Variants in EXOC2 observed in about 807,000 individuals in gnomAD.
The protein encoded by EXOC2 is SEC5-like 1.
A neutral mutation model predicts 131.8 loss-of-function variants in EXOC2; 70 were observed. The observed-to-expected ratio is 0.53, with a 90% CI of 0.44 to 0.65. EXOC2 has a LOEUF of 0.65. EXOC2 is among the 30% of genes least tolerant of loss of function. EXOC2 has a pLI of 0.00. For synonymous variants in EXOC2, 411 were observed against 398.4 expected, an observed-to-expected ratio of 1.03 and a Z score of -0.38; for missense variants, 923 against 1,108.6, an observed-to-expected ratio of 0.83 and a Z score of 2.38.
intron 12 of EXOC2, among the ~76,000 whole-genome samples, chr6:573,874 T>C (rs1758429720): frequency 6.6e-6 from 1 of 152,308 alleles, no homozygotes; most frequent in Middle Eastern, 3.4e-3. Context: ...TTATTGTGAC[T>C]CTTTCTGAAA....
In EXOC2 at chr6:488,973, A is replaced by C. The variant is rs1203403057; in HGVS notation, c.2681+6T>G. 2 of 1,613,820 alleles carry C rather than the reference A, an allele frequency of 1.2e-6. No homozygotes were observed. The highest frequency in any genetic ancestry group is 1.7e-6 in the Non-Finnish European group (2 of 1,179,886). On this transcript the variant is annotated splice_donor_region_variant and intron_variant, in intron 27 of 27. Coordinates refer to ENST00000230449, the MANE Select transcript of EXOC2 (RefSeq NM_018303.6). ...CTGGCTCCTAAGAACAGCACACAGG[A>C]CTTACTTTTTATCTGCTCCACTGGA...
chr6:542,188 T>G (rs1756594090), intron 22 of EXOC2, among the ~76,000 whole-genome samples: 1 of 152,226 alleles, frequency 6.6e-6, no homozygotes, highest in East Asian at 1.9e-4. Flanking sequence ...CTTTGTTCCT[T>G]CAGCTTGGTG....
chr6:576,798 G>A lies in EXOC2; in HGVS notation c.1277C>T (p.Ser426Phe). Reference protein sequence around the residue: ...SVLGHLSQTASLKRGSSFQSG... With the variant: ...SVLGHLSQTAFLKRGSSFQSG... ...CTGAAAGCTGCTGCCCCTCTTCAGG[G>A]ACGCTGTCTGACTGAGATGGCCCAA... is the stretch of plus-strand genomic sequence containing the variant. Residue 426 changes from serine (S) to phenylalanine (F), a missense_variant, in exon 12 of 28, where the codon TCC becomes TTC. Ser to Phe is a radical substitution (Grantham distance 155). Coordinates refer to ENST00000230449, the MANE Select transcript of EXOC2 (RefSeq NM_018303.6). 6.2e-7 allele frequency: 1 copy of A among 1,614,152 alleles called. No homozygotes were observed. Among genetic ancestry groups the A allele is most frequent in the Non-Finnish European group, 8.5e-7 (1 of 1,180,018 alleles).
Position 564,282 on chromosome 6 carries a change from C to G in EXOC2, c.1668-128G>C, listed in dbSNP as rs2127585114. On this transcript the variant is annotated intron_variant, in intron 15 of 27. Transcript: ENST00000230449. ...TACAGCATTAGGCTGAAAACAGAAA[C>G]AGACCACAACTGGGACTGTACTGTC... 3 of 1,374,158 alleles carry G rather than the reference C, an allele frequency of 2.2e-6. No individual in the cohort carries two copies. In the South Asian group the frequency reaches 4.4e-5, roughly 20 times the overall value. The allele number at this position is 1,374,158 out of a possible 1,614,324, so 85.1% of individuals were successfully genotyped here. A position where few individuals can be genotyped will look rare whatever the true frequency, so the allele number is the denominator to read the frequency against.
At chr6:538,886 A>T (rs1280264709) in intron 22 of EXOC2, among the ~76,000 whole-genome samples, 2 of 152,134 alleles carry the variant, frequency 1.3e-5, no homozygotes, top group Non-Finnish European at 2.9e-5. Context: ...AGCCTGGCCA[A>T]GATGGTGAAA....
chr6:497,353 A>G lies in EXOC2; in HGVS notation c.2559+14T>C. The G allele has an allele frequency of 6.2e-7, 1 of 1,610,884 alleles. No individual in the cohort carries two copies. Among genetic ancestry groups the G allele is most frequent in the Non-Finnish European group, 8.5e-7 (1 of 1,178,646 alleles). Reference sequence around the variant, plus strand: ...ACAACAGAAGTTCAATATGAAATTGAATGATTTTGTTACCTGTAAAGCTCC... The same window carrying G: ...ACAACAGAAGTTCAATATGAAATTGGATGATTTTGTTACCTGTAAAGCTCC... On this transcript the variant is annotated intron_variant, in intron 25 of 27. Transcript: ENST00000230449.
intron 23 of EXOC2, among the ~76,000 whole-genome samples, chr6:529,270 C>G (rs555490238): frequency 6.6e-6 from 1 of 152,330 alleles, no homozygotes; most frequent in Admixed American, 6.5e-5. Context: ...TCCGAAGACA[C>G]CTTGGAGCGG....
intron 11 of EXOC2, among the ~76,000 whole-genome samples, chr6:580,658 C>T (rs945060099): frequency 1.3e-5 from 2 of 151,954 alleles, no homozygotes; most frequent in Non-Finnish European, 2.9e-5. Context: ...TTTCCATGGC[C>T]ATGCAGTTGG....
chr6:572,749 C>A (rs1271467554), intron 12 of EXOC2, 105 bp from the exon 13 acceptor site: 8 of 1,390,602 alleles, frequency 5.8e-6, no homozygotes, highest in African/African-American at 1.4e-5. Flanking sequence ...CTCCAACATG[C>A]ACTAGGAATA....
chr6:615,182 G>GGTGT (rs201428433), intron 6 of EXOC2, among the ~76,000 whole-genome samples: 3,135 of 121,052 alleles, frequency 0.026, 113 homozygotes, highest in African/African-American at 0.11. Context: ...TGTGGGTGTG[G>GGTGT]GTGTGTGTGT....
At chr6:560,196 T>A (rs1361620880) in intron 17 of EXOC2, among the ~76,000 whole-genome samples, 1 of 152,246 alleles carries the variant, frequency 6.6e-6, no homozygotes, top group Non-Finnish European at 1.5e-5. Flanking sequence ...ACCAGGTGCT[T>A]CGGTCCACAG....
chr6:512,828 A>C (rs1351393140), intron 23 of EXOC2, among the ~76,000 whole-genome samples: 1 of 152,212 alleles, frequency 6.6e-6, no homozygotes, highest in Non-Finnish European at 1.5e-5. Flanking sequence ...CCACATGGGG[A>C]AAACAGTATC....
At chr6:650,722 TG>T (rs1232901730) in intron 1 of EXOC2, among the ~76,000 whole-genome samples, 47 of 152,324 alleles carry the variant, frequency 3.1e-4, no homozygotes, top group African/African-American at 1.1e-3. Context: ...TAATAATTCA[TG>T]AAAGACTAAA....
At position 659,581 on chromosome 6, in the gene EXOC2, G is replaced by C. The variant is rs777535255; in HGVS notation, c.-43-21720C>G. On this transcript the variant is annotated intron_variant, in intron 1 of 27. Transcript: ENST00000230449. ...TGGGAAAAGGAGCCCTTCCTCTCCC[G>C]AACACACACTCCCACTGGAGAAGCT... Among the ~76,000 whole-genome samples, 3 of 152,154 alleles carry C rather than the reference G, an allele frequency of 2.0e-5. No homozygotes were observed. The East Asian group carries it at 5.8e-4, about 29-fold the overall frequency.
At chr6:582,056 T>G (rs3799308) in intron 11 of EXOC2, among the ~76,000 whole-genome samples, 1 of 152,156 alleles carries the variant, frequency 6.6e-6, no homozygotes, top group African/African-American at 2.4e-5. Context: ...TCACTAGAAG[T>G]GTAGAAATAA....
At chr6:514,575 C>A (rs571337303) in intron 23 of EXOC2, among the ~76,000 whole-genome samples, 3 of 152,192 alleles carry the variant, frequency 2.0e-5, no homozygotes, top group Non-Finnish European at 4.4e-5. Context: ...ATGCTCTGAG[C>A]GCGTGGTTTG....
intron 23 of EXOC2, among the ~76,000 whole-genome samples, chr6:500,534 G>A (rs764430955): frequency 1.1e-4 from 16 of 152,170 alleles, no homozygotes; most frequent in Non-Finnish European, 2.2e-4. Context: ...ACCCTTGGGG[G>A]GCTGCAGTGA....
Position 598,126 on chromosome 6 carries a change from A to T in EXOC2, c.971-3T>A, listed in dbSNP as rs754314098. 6.3e-7 allele frequency: 1 copy of T among 1,590,454 alleles called. No individual in the cohort carries two copies. The highest frequency in any genetic ancestry group is 8.6e-7 in the Non-Finnish European group (1 of 1,164,634). On this transcript the variant is annotated splice_polypyrimidine_tract_variant and splice_region_variant and intron_variant, in intron 9 of 27. Coordinates refer to ENST00000230449, the MANE Select transcript of EXOC2 (RefSeq NM_018303.6). ...CCTTGTTTCTACTTCAGCATAATCT[A>T]TTTAAAAAGAAAAGAATACACAAGA...
chr6:637,844 T>G lies in EXOC2; in HGVS notation c.-26A>C. The G allele has an allele frequency of 6.2e-7, 1 of 1,600,208 alleles. No homozygotes were observed. The highest frequency in any genetic ancestry group is 8.6e-7 in the Non-Finnish European group (1 of 1,169,174). On this transcript the variant is annotated 5_prime_UTR_variant, in exon 2 of 28. Coordinates refer to ENST00000230449, the MANE Select transcript of EXOC2 (RefSeq NM_018303.6). ...TGTGCTTTGTGGAGCAAACTGGTGA[T>G]CCTGTTAGAGAAGTAATCTGTTAAA...
Sources: gnomAD v4.1 joint callset for allele counts (sites outside exome capture counted in the v4.1 genomes callset) on GRCh38, gnomAD v4.1.1 for gene constraint, MANE v1.5 for transcripts, NCBI Gene and HGNC (gene_info 2026-07-23, HGNC 2026-07-21) for gene names.